The following LMNA variants were observed in gnomAD, a reference collection of about 807,000 sequenced individuals.
LMNA encodes the protein lamin.
In LMNA, 20 loss-of-function variants were observed where a neutral mutation model predicts 70.4. The ratio of observed to expected loss-of-function variants is 0.28; its 90% CI spans 0.20 to 0.41. The LOEUF (loss-of-function observed/expected upper bound fraction) is 0.41. LMNA is among the 10% of genes least tolerant of loss of function. The probability of loss-of-function intolerance (pLI) is 1.00; values close to 1 mark genes in which losing one functional copy is unlikely to be tolerated. For synonymous variants in LMNA, 339 were observed against 372.8 expected (o/e 0.91, Z 1.04); for missense variants, 652 against 917.2 (o/e 0.71, Z 3.73).
At chr1:156,087,326 C>T (rs1389370303) in intron 2 of LMNA, among the ~76,000 whole-genome samples, 1 of 151,576 alleles carries the variant, frequency 6.6e-6, no homozygotes, top group African/African-American at 2.4e-5. Flanking sequence ...TCACTGCAAC[C>T]TCCGCCTCCC....
intron 1 of LMNA, chr1:156,126,538 TGG>T (rs759579457): frequency 2.7e-6 from 2 of 733,552 alleles, no homozygotes; most frequent in African/African-American, 3.4e-5. Flanking sequence ...TTTGCTGTGC[TGG>T]TGCCTTTCTT....
chr1:156,096,554 C>T (rs2102795001), intron 3 of LMNA, among the ~76,000 whole-genome samples: 1 of 152,334 alleles, frequency 6.6e-6, no homozygotes, highest in South Asian at 2.1e-4. Flanking sequence ...GGGTTAGGTG[C>T]CGGGTTTTCT....
At chr1:156,120,169 G>C (rs1021108060) in intron 1 of LMNA, among the ~76,000 whole-genome samples, 3 of 152,182 alleles carry the variant, frequency 2.0e-5, no homozygotes, top group African/African-American at 4.8e-5. Context: ...GGAGATGCAG[G>C]CTCCAGTTCA....
chr1:156,135,537 T>C lies in LMNA; in HGVS notation c.936+225T>C, dbSNP rs1651494463. The C allele has an allele frequency of 3.1e-6, 2 of 639,904 alleles. No individual in the cohort carries two copies. The highest frequency in any genetic ancestry group is 3.8e-5 in the South Asian group (2 of 52,984). 39.6% of individuals were successfully genotyped at this position (639,904 alleles called of 1,614,324 possible). ...CACCTTCACTTCTCAGGGCTTTGGT[T>C]TTCCCATTCGAAAATGGAGGCTGTT... On this transcript the variant is annotated intron_variant, in intron 5 of 11. Transcript: ENST00000368300. This position sits in a 1 kb window ranked among gnomAD's most constrained non-coding sequence, Gnocchi z 4.8.
rs1651917379 is a variant in LMNA, at chr1:156,139,241, T to C, written c.*135T>C. ...ATAACCCTTTGGTTTTTTTCTTCTG[T>C]ATTTTTTTTTCTAAGAGAAGTTATT... On this transcript the variant is annotated 3_prime_UTR_variant, in exon 12 of 12. Transcript: ENST00000368300. 1 of 1,486,334 alleles carries C rather than the reference T, an allele frequency of 6.7e-7. No homozygotes were observed. The highest frequency in any genetic ancestry group is 8.9e-7 in the Non-Finnish European group (1 of 1,127,506). 92.1% of individuals were successfully genotyped at this position (1,486,334 alleles called of 1,614,324 possible).
chr1:156,120,428 T>C (rs1180926535), intron 1 of LMNA, among the ~76,000 whole-genome samples: 1 of 152,224 alleles, frequency 6.6e-6, no homozygotes, highest in Non-Finnish European at 1.5e-5. Flanking sequence ...CTGGGGCCAG[T>C]GACACCTTAG....
chr1:156,139,205 G>A lies in LMNA; in HGVS notation c.*99G>A, dbSNP rs1229022827. ...TGCACGTCATGGGAGGGGGCTTGAA[G>A]CCAAAGAAAAATAACCCTTTGGTTT... On this transcript the variant is annotated 3_prime_UTR_variant, in exon 12 of 12. Coordinates refer to ENST00000368300, the MANE Select transcript of LMNA (RefSeq NM_170707.4). 3.2e-6 allele frequency: 5 copies of A among 1,578,914 alleles called. No individual in the cohort carries two copies. The highest frequency in any genetic ancestry group is 4.3e-6 in the Non-Finnish European group (5 of 1,168,434).
upstream of LMNA, among the ~76,000 whole-genome samples, chr1:156,111,549 T>C (rs1271939654): frequency 5.3e-5 from 8 of 152,228 alleles, no homozygotes; most frequent in Admixed American, 3.3e-4. Context: ...CTGGGATCCC[T>C]TTGGAATTCA....
intron 2 of LMNA, chr1:156,083,694 T>G (rs1276674802): frequency 6.6e-6 from 1 of 152,112 alleles, no homozygotes; most frequent in Non-Finnish European, 1.5e-5. Context: ...TCCCAGCTAC[T>G]CAGGAGGCTG....
intron 1 of LMNA, chr1:156,126,717 T>C (rs955584734): frequency 1.9e-6 from 3 of 1,556,676 alleles, no homozygotes; most frequent in Non-Finnish European, 2.6e-6. Context: ...CCCCCTCTCT[T>C]CCCTCTTTCT....
chr1:156,115,369 T>C lies in LMNA; in HGVS notation c.356+95T>C. On this transcript the variant is annotated intron_variant, in intron 1 of 11. Transcript: ENST00000368300. This position sits in a 1 kb window ranked among gnomAD's most constrained non-coding sequence, Gnocchi z 5.8. ...GCCGCAGGAAGGGAGTGAGAGGGCC[T>C]GGAGGCCGATAACTTTGCCATAGTC... The C allele has an allele frequency of 2.7e-6, 3 of 1,132,002 alleles. No individual in the cohort carries two copies. The highest frequency in any genetic ancestry group is 2.7e-5 in the South Asian group (2 of 75,288). 70.1% of individuals were successfully genotyped at this position (1,132,002 alleles called of 1,614,324 possible). A position where few individuals can be genotyped will look rare whatever the true frequency, so the allele number is the denominator to read the frequency against.
Position 156,135,393 on chromosome 1 carries a change from G to A in LMNA, c.936+81G>A. 1 of 1,471,652 alleles carries A rather than the reference G, an allele frequency of 6.8e-7. No homozygotes were observed. Among genetic ancestry groups the A allele is most frequent in the Non-Finnish European group, 9.2e-7 (1 of 1,081,640 alleles). 91.2% of individuals were successfully genotyped at this position (1,471,652 alleles called of 1,614,324 possible). ...GCTGGAAGCCCAGGGTTGGGGGTGG[G>A]GGTGGGGGTGGGAGGTTCCTGAGGA... On this transcript the variant is annotated intron_variant, in intron 5 of 11. Coordinates refer to ENST00000368300, the MANE Select transcript of LMNA (RefSeq NM_170707.4). This position sits in a 1 kb window ranked among gnomAD's most constrained non-coding sequence, Gnocchi z 4.8.
chr1:156,122,048 T>G (rs1650225527), intron 1 of LMNA, among the ~76,000 whole-genome samples: 2 of 152,066 alleles, frequency 1.3e-5, no homozygotes, highest in South Asian at 4.1e-4. Context: ...GATGTTGCAG[T>G]GAGCCGAGAT....
In LMNA at chr1:156,138,422, C is replaced by G; in HGVS notation, c.1699-66C>G. The G allele has an allele frequency of 1.9e-6, 3 of 1,553,054 alleles. No homozygotes were observed. The highest frequency in any genetic ancestry group is 2.3e-5 in the South Asian group (2 of 85,958). ...GCTGGGAGCCTGCAGGAGCCTGGAG[C>G]CTGGTTGGGCCTGAGTGGTCAGTCC... is the stretch of plus-strand genomic sequence containing the variant. On this transcript the variant is annotated intron_variant, in intron 10 of 11. Transcript: ENST00000368300. The surrounding 1 kb of genome is among the most constrained non-coding windows in gnomAD (Gnocchi z 5.5).
intron 2 of LMNA, among the ~76,000 whole-genome samples, chr1:156,131,622 A>C (rs756091681): frequency 2.0e-5 from 3 of 152,136 alleles, no homozygotes; most frequent in Non-Finnish European, 2.9e-5. Flanking sequence ...AAAATAATCC[A>C]CAAGCCATTT....
chr1:156,129,335 G>A (rs2102860875), intron 1 of LMNA, among the ~76,000 whole-genome samples: 1 of 152,246 alleles, frequency 6.6e-6, no homozygotes, highest in South Asian at 2.1e-4. Context: ...ACTCTCCTAA[G>A]CAGAACACTG....
At chr1:156,098,375 T>C (rs1249690087) in intron 3 of LMNA, among the ~76,000 whole-genome samples, 1 of 152,222 alleles carries the variant, frequency 6.6e-6, no homozygotes, top group Non-Finnish European at 1.5e-5. Context: ...AAGGACTTCT[T>C]GAATTTGGCA....
chr1:156,127,065 C>T (rs1368431449), intron 1 of LMNA: 9 of 753,294 alleles, frequency 1.2e-5, no homozygotes, highest in South Asian at 3.7e-5. Context: ...CGGCACTCAG[C>T]GTGTGCTCAG....
At chr1:156,126,402 GC>G in intron 1 of LMNA, 1 of 633,506 alleles carries the variant, frequency 1.6e-6, no homozygotes, top group African/African-American at 1.8e-5. Flanking sequence ...CTAGCCTGTT[GC>G]CCCCAGCAAC....
Sources: gnomAD v4.1 joint callset for allele counts (sites outside exome capture counted in the v4.1 genomes callset) on GRCh38, gnomAD v4.1.1 for gene constraint, Gnocchi (gnomAD v3.1) non-coding constraint, MANE v1.5 for transcripts, NCBI Gene and HGNC (gene_info 2026-07-23, HGNC 2026-07-21) for gene names.